The following RXFP1 variants were observed in gnomAD, a reference collection of about 807,000 sequenced individuals.
RXFP1 encodes relaxin receptor 1.
A neutral mutation model predicts 89.8 loss-of-function variants in RXFP1; 73 were observed. The observed-to-expected ratio is 0.81, with a 90% CI of 0.67 to 0.99. The LOEUF is 0.99. Among genes scored for constraint, RXFP1 ranks in the 50% least tolerant of loss-of-function variants. The pLI is 0.00. For missense variants in RXFP1, 793 were observed against 895.5 expected, an observed-to-expected ratio of 0.89 and a Z score of 1.46; for synonymous variants, 277 against 305.5, an observed-to-expected ratio of 0.91 and a Z score of 0.97.
At chr4:158,530,622 T>C (rs1743792341) in intron 1 of RXFP1, among the ~76,000 whole-genome samples, 1 of 152,216 alleles carries the variant, frequency 6.6e-6, no homozygotes, top group Non-Finnish European at 1.5e-5. Context: ...TCAGTCATGC[T>C]TTCTGTTAGC....
At chr4:158,638,798 G>A (rs1050766820) in intron 13 of RXFP1, among the ~76,000 whole-genome samples, 18 of 115,412 alleles carry the variant, frequency 1.6e-4, no homozygotes, top group African/African-American at 5.3e-4. Flanking sequence ...GGCAACAGAG[G>A]AAGACCCTGT....
At chr4:158,622,163 T>C (rs150754282) in intron 9 of RXFP1, among the ~76,000 whole-genome samples, 1,546 of 152,012 alleles carry the variant, frequency 0.01, 24 homozygotes, top group African/African-American at 0.036. Flanking sequence ...ATACGAAAAT[T>C]AGCCGGGCAT....
chr4:158,610,115 A>C (rs530469623), intron 6 of RXFP1, among the ~76,000 whole-genome samples: 1 of 152,194 alleles, frequency 6.6e-6, no homozygotes, highest in East Asian at 1.9e-4. Flanking sequence ...AATACAAAAA[A>C]TTAGCCGGGC....
At chr4:158,646,486 G>A (rs947262146) in intron 15 of RXFP1, 23 of 1,250,382 alleles carry the variant, frequency 1.8e-5, no homozygotes, top group African/African-American at 3.1e-5. Flanking sequence ...TCATTTATTC[G>A]ACACTTCTAT....
rs113703653 is a variant in RXFP1 at position 158,551,151 on chromosome 4, T to C, written c.50-21547T>C. On this transcript the variant is annotated intron_variant, in intron 1 of 17. Coordinates refer to ENST00000307765, the MANE Select transcript of RXFP1 (RefSeq NM_021634.4). ...TCAGCCTTTTAAAGGAAAGAAACTC[T>C]GGCATTTGTGACAACATGGATGAAC... 6.2e-3 allele frequency among the ~76,000 whole-genome samples: 943 copies of C among 152,318 alleles called. 10 individuals carry two copies. The highest frequency in any genetic ancestry group is 0.02 in the African/African-American group (846 of 41,562).
chr4:158,570,007 A>G (rs1361336463), intron 1 of RXFP1, among the ~76,000 whole-genome samples: 1 of 152,240 alleles, frequency 6.6e-6, no homozygotes, highest in East Asian at 1.9e-4. Flanking sequence ...TTGTAGGGGT[A>G]TAAATATAGC....
intron 9 of RXFP1, among the ~76,000 whole-genome samples, chr4:158,619,573 A>G (rs1442769003): frequency 6.6e-6 from 1 of 152,210 alleles, no homozygotes; most frequent in Non-Finnish European, 1.5e-5. Context: ...TATCTTTAAC[A>G]GGCTCTTTTT....
chr4:158,563,279 G>A (rs1752861095), intron 1 of RXFP1, among the ~76,000 whole-genome samples: 2 of 152,174 alleles, frequency 1.3e-5, no homozygotes. Context: ...ACCTTAAAAT[G>A]ATCTTTGTAC....
chr4:158,602,732 T>C (rs1300197937), intron 4 of RXFP1, among the ~76,000 whole-genome samples: 1 of 152,140 alleles, frequency 6.6e-6, no homozygotes, highest in Non-Finnish European at 1.5e-5. Context: ...AACACATTTT[T>C]TGAGATAATG....
chr4:158,582,838 C>G (rs1757638870), intron 2 of RXFP1, among the ~76,000 whole-genome samples: 1 of 152,114 alleles, frequency 6.6e-6, no homozygotes, highest in Admixed American at 6.6e-5. Flanking sequence ...GAAGAAAGAC[C>G]CCTCCACTCT....
chr4:158,543,793 C>A, intron 1 of RXFP1: 1 of 985,202 alleles, frequency 1.0e-6, no homozygotes, highest in Non-Finnish European at 1.2e-6. Flanking sequence ...AATAGTATTA[C>A]AACAGCTGGT....
chr4:158,583,812 G>T (rs1156644995), intron 2 of RXFP1, among the ~76,000 whole-genome samples: 1 of 152,172 alleles, frequency 6.6e-6, no homozygotes, highest in African/African-American at 2.4e-5. Flanking sequence ...TAATTTGTTA[G>T]TGGCCTCAAT....
intron 1 of RXFP1, among the ~76,000 whole-genome samples, chr4:158,529,167 T>C (rs1376129035): frequency 6.6e-6 from 1 of 152,138 alleles, no homozygotes; most frequent in Non-Finnish European, 1.5e-5. Context: ...ATTCCTGATA[T>C]GGTAAAACAT....
At chr4:158,643,333 A>G (rs1306850395) in intron 14 of RXFP1, among the ~76,000 whole-genome samples, 1 of 152,068 alleles carries the variant, frequency 6.6e-6, no homozygotes, top group Admixed American at 6.6e-5. Flanking sequence ...TCTTACCCTC[A>G]CTAACTGCCT....
chr4:158,538,858 T>G (rs1436780156), intron 1 of RXFP1, among the ~76,000 whole-genome samples: 1 of 151,834 alleles, frequency 6.6e-6, no homozygotes, highest in Non-Finnish European at 1.5e-5. Flanking sequence ...ATCTATGACT[T>G]CTCTATGAAA....
chr4:158,610,235 A>G lies in RXFP1; in HGVS notation c.537-1895A>G, dbSNP rs182631087. ...AGCCGAGATCGCGCCACTGCACTCC[A>G]GCCTGGGCATCAGAGTGAGACTCCA... On this transcript the variant is annotated intron_variant, in intron 6 of 17. Transcript: ENST00000307765. Among the ~76,000 whole-genome samples, 761 of 152,318 alleles carry G rather than the reference A, an allele frequency of 5.0e-3. 29 individuals are homozygous for G. The highest frequency in any genetic ancestry group is 0.047 in the Admixed American group (721 of 15,298).
At chr4:158,639,165 A>T (rs781712455) in intron 13 of RXFP1, 95 bp from the exon 14 acceptor site, 26 of 708,168 alleles carry the variant, frequency 3.7e-5, no homozygotes, top group Non-Finnish European at 5.4e-5. Context: ...TGTTAACTAA[A>T]AGCATTTTAT....
chr4:158,587,213 A>G (rs558833383), intron 2 of RXFP1, among the ~76,000 whole-genome samples: 1 of 152,166 alleles, frequency 6.6e-6, no homozygotes, highest in East Asian at 1.9e-4. Context: ...TCACAAGCCC[A>G]TTTCTCACTC....
intron 1 of RXFP1, among the ~76,000 whole-genome samples, chr4:158,542,109 A>ATATATATATATATATTTTTTT: frequency 5.4e-4 from 19 of 35,228 alleles, no homozygotes; most frequent in Non-Finnish European, 7.8e-4. Context: ...ATATATATAT[A>ATATATATATATATATTTTTTT]TTTTTTTTTT....
Sources: allele counts gnomAD v4.1 joint callset (sites outside exome capture counted in the v4.1 genomes callset), GRCh38; gene constraint gnomAD v4.1.1; transcripts MANE v1.5; gene names NCBI Gene and HGNC (gene_info 2026-07-23, HGNC 2026-07-21).